The following AFF1 variants were observed in gnomAD, a reference collection of about 807,000 sequenced individuals.
AFF1 encodes the protein ALF transcription elongation factor 1.
In AFF1, 48 loss-of-function variants were observed where a neutral mutation model predicts 121.7. The observed-to-expected ratio is 0.39, with a 90% CI of 0.31 to 0.50. The LOEUF is 0.50. Among genes scored for constraint, AFF1 ranks in the 20% least tolerant of loss-of-function variants. The probability of loss-of-function intolerance (pLI) is 0.76; values close to 1 mark genes in which losing one functional copy is unlikely to be tolerated. For synonymous variants in AFF1, 613 were observed against 563.0 expected, an observed-to-expected ratio of 1.09 and a Z score of -1.26; for missense variants, 1,523 against 1,511.7, an observed-to-expected ratio of 1.01 and a Z score of -0.12.
chr4:87,132,494 C>A, intron 19 of AFF1, 86 bp downstream of exon 19: 1 of 1,374,500 alleles, frequency 7.3e-7, no homozygotes, highest in Non-Finnish European at 9.7e-7. Flanking sequence ...TGTATGCTTA[C>A]ATATGTCACT....
chr4:87,008,620 GTTTTT>G (rs11355941), intron 2 of AFF1, among the ~76,000 whole-genome samples: 2 of 145,012 alleles, frequency 1.4e-5, no homozygotes, highest in Non-Finnish European at 1.5e-5. Context: ...GAAATTTAGT[GTTTTT>G]TTTTTTTTTA....
chr4:86,979,590 T>C (rs544072661), intron 2 of AFF1, among the ~76,000 whole-genome samples: 1 of 152,332 alleles, frequency 6.6e-6, no homozygotes, highest in African/African-American at 2.4e-5. Flanking sequence ...AGTTCTTATT[T>C]TAAAATATCA....
chr4:86,957,966 T>C (rs1446039968), intron 2 of AFF1, among the ~76,000 whole-genome samples: 1 of 152,228 alleles, frequency 6.6e-6, no homozygotes, highest in East Asian at 1.9e-4. Flanking sequence ...TCATACTTTA[T>C]GTGCATCTCT....
intron 2 of AFF1, among the ~76,000 whole-genome samples, chr4:87,008,801 A>G (rs183563579): frequency 6.6e-6 from 1 of 152,356 alleles, no homozygotes; most frequent in African/African-American, 2.4e-5. Context: ...TTAATTCAGT[A>G]GTAAAGAAAA....
intron 2 of AFF1, among the ~76,000 whole-genome samples, chr4:87,012,742 G>T (rs1472664059): frequency 6.6e-6 from 1 of 152,186 alleles, no homozygotes; most frequent in African/African-American, 2.4e-5. Flanking sequence ...GAGAAAATAT[G>T]TATAACTTTT....
At chr4:86,941,958 C>G (rs1278415561) in intron 1 of AFF1, among the ~76,000 whole-genome samples, 2 of 149,928 alleles carry the variant, frequency 1.3e-5, no homozygotes, top group African/African-American at 2.5e-5. Flanking sequence ...TTTTTTTTTC[C>G]TTATAAATTG....
chr4:86,996,839 T>A (rs1032689949), intron 2 of AFF1, among the ~76,000 whole-genome samples: 1 of 152,266 alleles, frequency 6.6e-6, no homozygotes, highest in Non-Finnish European at 1.5e-5. Flanking sequence ...GGATCTGCCC[T>A]CATGAATGAA....
chr4:86,959,673 C>T (rs189173527), intron 2 of AFF1, among the ~76,000 whole-genome samples: 3 of 152,100 alleles, frequency 2.0e-5, no homozygotes, highest in East Asian at 1.9e-4. Flanking sequence ...CGATAAGTAA[C>T]GTTAGGCCAC....
chr4:86,943,653 T>C (rs1364644839), intron 1 of AFF1, among the ~76,000 whole-genome samples: 1 of 151,668 alleles, frequency 6.6e-6, no homozygotes, highest in Non-Finnish European at 1.5e-5. Flanking sequence ...GGCAAACTCC[T>C]GTCTCTACAA....
chr4:86,967,289 G>A (rs1452044746), intron 2 of AFF1, among the ~76,000 whole-genome samples: 1 of 152,254 alleles, frequency 6.6e-6, no homozygotes, highest in East Asian at 1.9e-4. Context: ...TCCAGATAAA[G>A]GAACCATACT....
Position 87,114,845 on chromosome 4 carries a change from C to T in AFF1, c.2012C>T (p.Pro671Leu), listed in dbSNP as rs1461187644. The T allele has an allele frequency of 6.2e-7, 1 of 1,613,792 alleles. No homozygotes were observed. Among genetic ancestry groups the T allele is most frequent in the Non-Finnish European group, 8.5e-7 (1 of 1,179,896 alleles). ...AGCAACGAACCCAAGCCAGCAGTGCCCCCCTCCAGTGAGAAGAAGAAGCAC... is the reference window on the plus strand; with the variant it reads ...AGCAACGAACCCAAGCCAGCAGTGCTCCCCTCCAGTGAGAAGAAGAAGCAC... The part of the protein sequence containing the change: ...AASNEPKPAV[P>L]PSSEKKKHKS... Residue 671 changes from proline to leucine, a missense_variant, in exon 12 of 21, where the codon CCC (proline) becomes CTC (leucine). Physicochemically the swap from Pro to Leu is moderately conservative, Grantham distance 98. This residue lies in a region of AFF1 where 905 missense variants were observed against 842.5 expected (regional missense o/e 1.07). Coordinates refer to ENST00000395146, the MANE Select transcript of AFF1 (RefSeq NM_001166693.3).
At chr4:87,034,152 AGAGC>A (rs1021664011) in intron 2 of AFF1, among the ~76,000 whole-genome samples, 1 of 152,208 alleles carries the variant, frequency 6.6e-6, no homozygotes, top group African/African-American at 2.4e-5. Context: ...TAGTGGAGAG[AGAGC>A]GAGTCTTCCT....
intron 1 of AFF1, among the ~76,000 whole-genome samples, chr4:86,939,930 G>A (rs1347419818): frequency 1.3e-5 from 2 of 152,222 alleles, no homozygotes; most frequent in South Asian, 2.1e-4. Context: ...ATAGCAGAGA[G>A]TTTAAAAAGG....
chr4:87,064,733 G>T (rs1468252994), intron 4 of AFF1, among the ~76,000 whole-genome samples: 6 of 152,116 alleles, frequency 3.9e-5, no homozygotes, highest in Admixed American at 3.9e-4. Flanking sequence ...GCAAAAATTA[G>T]CCAGGCATGG....
chr4:86,992,919 G>T (rs1724841682), intron 2 of AFF1, among the ~76,000 whole-genome samples: 2 of 152,186 alleles, frequency 1.3e-5, no homozygotes, highest in Non-Finnish European at 2.9e-5. Flanking sequence ...AGAAAATGGA[G>T]TAGCCCTTTC....
rs1431739924 is a variant in AFF1, at chr4:86,998,122, A to AC, written c.39-48044_39-48043insC. Among the ~76,000 whole-genome samples, 20 of 138,842 alleles carry AC rather than the reference A, an allele frequency of 1.4e-4. 1 individual carries two copies. The highest frequency in any genetic ancestry group is 5.0e-4 in the African/African-American group (18 of 36,038). The allele number at this position is 138,842 out of a possible 152,430, so 91.1% of individuals were successfully genotyped here. A position where few individuals can be genotyped will look rare whatever the true frequency, so the allele number is the denominator to read the frequency against. On this transcript the variant is annotated intron_variant, in intron 2 of 20. Coordinates refer to ENST00000395146, the MANE Select transcript of AFF1 (RefSeq NM_001166693.3). Reference sequence around the variant, plus strand: ...TCAAAAAAAAAAAAAAAAAAAAAAAAAAAAACAAGAAAACTGCGTGGACAG... The same window carrying AC: ...TCAAAAAAAAAAAAAAAAAAAAAAAACAAAAACAAGAAAACTGCGTGGACAG...
chr4:87,126,662 C>G (rs919468005), intron 14 of AFF1, among the ~76,000 whole-genome samples: 2 of 152,126 alleles, frequency 1.3e-5, no homozygotes, highest in Non-Finnish European at 2.9e-5. Context: ...ATCTCAGATA[C>G]TTTCATTCTT....
intron 2 of AFF1, among the ~76,000 whole-genome samples, chr4:87,025,884 G>A (rs1255990287): frequency 1.3e-5 from 2 of 152,040 alleles, no homozygotes; most frequent in African/African-American, 4.8e-5. Flanking sequence ...TCAGTTACTT[G>A]ACCTGTATTT....
In AFF1 at chr4:87,127,177, C is replaced by CCG. The variant is rs1560657684; in HGVS notation, c.2903+61_2903+62insGC. The CCG allele has an allele frequency of 3.2e-5, 42 of 1,299,264 alleles. 1 individual carries two copies. The highest frequency in any genetic ancestry group is 2.9e-4 in the African/African-American group (17 of 59,510). 80.5% of individuals were successfully genotyped at this position (1,299,264 alleles called of 1,614,324 possible). A position where few individuals can be genotyped will look rare whatever the true frequency, so the allele number is the denominator to read the frequency against. On this transcript the variant is annotated intron_variant, in intron 15 of 20. Coordinates refer to ENST00000395146, the MANE Select transcript of AFF1 (RefSeq NM_001166693.3). ...TGTTTTGTTTTGCTTCCCCCCCCCA[C>CCG]CAAGATAGAGTCTCACTCTGTCACC... is the stretch of plus-strand genomic sequence containing the variant.
Sources: gnomAD v4.1 joint callset for allele counts (sites outside exome capture counted in the v4.1 genomes callset) on GRCh38, gnomAD v4.1.1 for gene constraint, gnomAD v4.1.1 regional missense constraint, MANE v1.5 for transcripts, NCBI Gene and HGNC (gene_info 2026-07-23, HGNC 2026-07-21) for gene names.